ELMO1: variants seen among roughly 807,000 people sequenced by gnomAD.
ELMO1 encodes the protein engulfment and cell motility 1, also known as engulfment and cell motility protein 1.
ELMO1 carries 26 observed loss-of-function variants against 98.9 expected under a neutral mutation model. That is an observed-to-expected ratio of 0.26 (90% confidence interval 0.19 to 0.36). The LOEUF is 0.36. Among genes scored for constraint, ELMO1 ranks in the 10% least tolerant of loss-of-function variants. The pLI is 1.00. For synonymous variants in ELMO1, 346 were observed against 346.0 expected, an observed-to-expected ratio of 1.00 and a Z score of 0.00; for missense variants, 627 against 935.2, an observed-to-expected ratio of 0.67 and a Z score of 4.30.
chr7:37,015,852 G>C (rs1445973020), intron 15 of ELMO1, among the ~76,000 whole-genome samples: 1 of 152,148 alleles, frequency 6.6e-6, no homozygotes, highest in African/African-American at 2.4e-5. Context: ...TCAACAGTTA[G>C]AAGCAAAAAC....
At chr7:37,440,073 C>G (rs28690566) in intron 1 of ELMO1, among the ~76,000 whole-genome samples, 14,891 of 151,998 alleles carry the variant, frequency 0.098, 953 homozygotes, top group East Asian at 0.26. Flanking sequence ...CCCACTCCCC[C>G]AAACCAAAAT....
intron 2 of ELMO1, among the ~76,000 whole-genome samples, chr7:37,340,318 G>A (rs536698146): frequency 6.6e-6 from 1 of 152,242 alleles, no homozygotes; most frequent in Admixed American, 6.5e-5. Flanking sequence ...GTGCTTCCAG[G>A]GCTCCATCAA....
At chr7:37,093,611 G>T (rs1185688524) in intron 15 of ELMO1, among the ~76,000 whole-genome samples, 1 of 152,208 alleles carries the variant, frequency 6.6e-6, no homozygotes, top group African/African-American at 2.4e-5. Flanking sequence ...ACATAAGGGT[G>T]TATTCAGATT....
At chr7:37,175,083 AGGGAAAAAAGGAAGGC>A (rs1230390679) in intron 13 of ELMO1, among the ~76,000 whole-genome samples, 2 of 152,210 alleles carry the variant, frequency 1.3e-5, no homozygotes, top group Non-Finnish European at 2.9e-5. Flanking sequence ...AAGGAGTGGA[AGGGAAAAAAGGAAGGC>A]GGGAAAAGAA....
chr7:37,096,799 C>A, intron 14 of ELMO1, 72 bp from the exon 15 acceptor site: 1 of 1,334,976 alleles, frequency 7.5e-7, no homozygotes, highest in Non-Finnish European at 1.1e-6. Flanking sequence ...CACCTTCATT[C>A]CAATAGATGA....
intron 15 of ELMO1, among the ~76,000 whole-genome samples, chr7:37,034,792 C>CT (rs1795087692): frequency 6.6e-6 from 1 of 152,078 alleles, no homozygotes; most frequent in Non-Finnish European, 1.5e-5. Flanking sequence ...ATGGAAAGAA[C>CT]TTTAAAAGGC....
intron 13 of ELMO1, among the ~76,000 whole-genome samples, chr7:37,193,744 G>A (rs1006115135): frequency 4.6e-5 from 7 of 152,132 alleles, no homozygotes; most frequent in African/African-American, 1.4e-4. Flanking sequence ...ACAAATCAGA[G>A]TCCCTGCGTG....
Position 37,254,376 on chromosome 7 carries a change from C to T in ELMO1, c.413+4805G>A, listed in dbSNP as rs147342496. On this transcript the variant is annotated intron_variant, in intron 6 of 21. Transcript: ENST00000310758. ...CCTGGCTGTATGTATCAAACTGGGA[C>T]GGCTTACTGATTATTATAAATACAG... Among the ~76,000 whole-genome samples the T allele has an allele frequency of 1.9e-3, 282 of 152,266 alleles. 1 individual carries two copies. Among genetic ancestry groups the T allele is most frequent in the African/African-American group, 6.5e-3 (272 of 41,538 alleles).
chr7:37,356,030 C>T (rs556066109), intron 1 of ELMO1, among the ~76,000 whole-genome samples: 1 of 152,292 alleles, frequency 6.6e-6, no homozygotes, highest in South Asian at 2.1e-4. Flanking sequence ...AAGTATGGAG[C>T]TTTGGCATGC....
intron 2 of ELMO1, among the ~76,000 whole-genome samples, chr7:37,320,899 G>A (rs1396098487): frequency 6.6e-6 from 1 of 152,148 alleles, no homozygotes; most frequent in Non-Finnish European, 1.5e-5. Context: ...TACCACTGCT[G>A]GGTGACTGTG....
In ELMO1 at chr7:37,268,091, G is replaced by A. The variant is rs150064316; in HGVS notation, c.243+3741C>T. Among the ~76,000 whole-genome samples the A allele has an allele frequency of 1.5e-3, 232 of 152,312 alleles. 1 individual carries two copies. Among genetic ancestry groups the A allele is most frequent in the African/African-American group, 5.4e-3 (226 of 41,560 alleles). On this transcript the variant is annotated intron_variant, in intron 5 of 21. Transcript: ENST00000310758. ...CAGAAAAGTAACAATGGTCTGGCAA[G>A]CCAAGCTGTTTCTGATACGAACAAT...
At chr7:36,961,455 T>TCACATTACATGGTATGAAAATTA (rs1264205416) in intron 16 of ELMO1, among the ~76,000 whole-genome samples, 2 of 152,238 alleles carry the variant, frequency 1.3e-5, no homozygotes, top group African/African-American at 4.8e-5. Flanking sequence ...TACTAGGAGC[T>TCACATTACATGGTATGAAAATTA]CACATTACAT....
intron 2 of ELMO1, among the ~76,000 whole-genome samples, chr7:37,331,381 A>T (rs1294738215): frequency 9.0e-6 from 1 of 110,552 alleles, no homozygotes; most frequent in Non-Finnish European, 1.8e-5. Flanking sequence ...ACAGGGTTTC[A>T]CTGTGTTAGC....
At chr7:36,949,720 T>A (rs889718343) in intron 16 of ELMO1, among the ~76,000 whole-genome samples, 1 of 151,334 alleles carries the variant, frequency 6.6e-6, no homozygotes, top group Non-Finnish European at 1.5e-5. Flanking sequence ...CTCATCCCCA[T>A]GGCAAATCCT....
At chr7:36,964,379 A>T (rs1486638426) in intron 16 of ELMO1, among the ~76,000 whole-genome samples, 1 of 152,198 alleles carries the variant, frequency 6.6e-6, no homozygotes, top group African/African-American at 2.4e-5. Context: ...TATATTTTAT[A>T]ATAAAGGGTT....
chr7:36,961,923 A>C (rs1788986554), intron 16 of ELMO1, among the ~76,000 whole-genome samples: 1 of 152,268 alleles, frequency 6.6e-6, no homozygotes, highest in South Asian at 2.1e-4. Context: ...TTAGCAGAGA[A>C]GCAAAAAATC....
chr7:37,078,567 G>C (rs1222370243), intron 15 of ELMO1, among the ~76,000 whole-genome samples: 1 of 152,168 alleles, frequency 6.6e-6, no homozygotes, highest in Non-Finnish European at 1.5e-5. Flanking sequence ...GCTCTGTGAA[G>C]TGCAAATGCT....
Position 37,447,645 on chromosome 7 carries a change from C to CA in ELMO1, c.-74+1029_-74+1030insT, listed in dbSNP as rs1554316186. Among the ~76,000 whole-genome samples the CA allele has an allele frequency of 3.9e-4, 58 of 149,500 alleles. No homozygotes were observed. The South Asian group carries it at 4.2e-3, about 11-fold the overall frequency. ...CACACACACACCCACAACACCCCCCCCACACACACACACTCACACACACAC... is the reference window on the plus strand; with the variant it reads ...CACACACACACCCACAACACCCCCCCACACACACACACACTCACACACACAC... On this transcript the variant is annotated intron_variant, in intron 1 of 21. Coordinates refer to ENST00000310758, the MANE Select transcript of ELMO1 (RefSeq NM_014800.11).
At chr7:37,405,171 A>G (rs1358630876) in intron 1 of ELMO1, among the ~76,000 whole-genome samples, 2 of 151,486 alleles carry the variant, frequency 1.3e-5, no homozygotes, top group Non-Finnish European at 2.9e-5. Flanking sequence ...CCCAAGAATA[A>G]GGCATGGATG....
Sources: allele counts gnomAD v4.1 joint callset (sites outside exome capture counted in the v4.1 genomes callset), GRCh38; gene constraint gnomAD v4.1.1; transcripts MANE v1.5; gene names NCBI Gene and HGNC (gene_info 2026-07-23, HGNC 2026-07-21).